The following GRIP1 variants were observed in gnomAD, a reference collection of about 807,000 sequenced individuals.
GRIP1 encodes the protein glutamate receptor interacting protein 1.
Under a neutral mutation model 129.9 loss-of-function variants are expected in GRIP1, and 45 were observed. That is an observed-to-expected ratio of 0.35 (90% CI 0.27 to 0.44). The LOEUF (loss-of-function observed/expected upper bound fraction) is 0.44. GRIP1 is among the 20% of genes least tolerant of loss of function. The probability of loss-of-function intolerance (pLI) is 1.00; values close to 1 mark genes in which losing one functional copy is unlikely to be tolerated. For missense variants in GRIP1, 1,196 were observed against 1,396.8 expected (o/e 0.86, Z 2.29); for synonymous variants, 530 against 520.8 (o/e 1.02, Z -0.24).
intron 1 of GRIP1, among the ~76,000 whole-genome samples, chr12:66,738,266 C>G (rs926460911): frequency 6.6e-6 from 1 of 151,652 alleles, no homozygotes; most frequent in African/African-American, 2.4e-5. Context: ...GTGGCCCAGG[C>G]TGGAGTGCAG....
chr12:66,364,258 T>C (rs1592696127), intron 23 of GRIP1, among the ~76,000 whole-genome samples: 1 of 68,112 alleles, frequency 1.5e-5, no homozygotes, highest in Non-Finnish European at 2.4e-5. Flanking sequence ...ACAGCAAGAC[T>C]CCATCTCAAA....
In GRIP1 at chr12:66,361,455, A is replaced by C. The variant is rs532986401; in HGVS notation, c.3013-7892T>G. On this transcript the variant is annotated intron_variant, in intron 23 of 24. Coordinates refer to ENST00000359742, the MANE Select transcript of GRIP1 (RefSeq NM_001366722.1). ...TTACACAGTTTTTAAGATCTGTGGCAGACTTAGGTGCTGCCTTTCTCATTC... is the reference window on the plus strand; with the variant it reads ...TTACACAGTTTTTAAGATCTGTGGCCGACTTAGGTGCTGCCTTTCTCATTC... Among the ~76,000 whole-genome samples the C allele has an allele frequency of 2.6e-5, 4 of 152,362 alleles. 1 individual carries two copies. In the South Asian group the frequency reaches 8.3e-4, roughly 32 times the overall value.
At chr12:66,821,905 T>C (rs2039326589) in intron 1 of GRIP1, among the ~76,000 whole-genome samples, 2 of 152,166 alleles carry the variant, frequency 1.3e-5, no homozygotes, top group African/African-American at 4.8e-5. Flanking sequence ...GTCACATCCT[T>C]GGCCGACTAC....
intron 1 of GRIP1, among the ~76,000 whole-genome samples, chr12:66,879,340 C>T (rs1051509049): frequency 6.6e-6 from 1 of 152,026 alleles, no homozygotes; most frequent in African/African-American, 2.4e-5. Context: ...ATACCAGGTG[C>T]TTAGTGCTAC....
intron 14 of GRIP1, among the ~76,000 whole-genome samples, chr12:66,432,253 C>G (rs962440316): frequency 6.6e-6 from 1 of 151,988 alleles, no homozygotes; most frequent in East Asian, 1.9e-4. Flanking sequence ...TTGCCAAGCA[C>G]TGTACTAGGT....
At chr12:66,634,301 T>C (rs1230844748) in intron 1 of GRIP1, among the ~76,000 whole-genome samples, 1 of 152,214 alleles carries the variant, frequency 6.6e-6, no homozygotes, top group Non-Finnish European at 1.5e-5. Context: ...AACCATTCCT[T>C]TTATGAGACT....
intron 16 of GRIP1, among the ~76,000 whole-genome samples, chr12:66,400,188 C>G (rs993458134): frequency 2.0e-5 from 3 of 151,924 alleles, no homozygotes; most frequent in African/African-American, 7.3e-5. Context: ...CACAGACCAA[C>G]AGGAATGGGA....
intron 1 of GRIP1, among the ~76,000 whole-genome samples, chr12:67,055,506 A>G (rs1039178539): frequency 2.6e-5 from 4 of 152,204 alleles, no homozygotes; most frequent in Non-Finnish European, 4.4e-5. Context: ...GTAATGGTAA[A>G]GTCTAGGGCA....
chr12:66,871,897 C>T (rs142508467), intron 1 of GRIP1, among the ~76,000 whole-genome samples: 1 of 151,970 alleles, frequency 6.6e-6, no homozygotes, highest in Admixed American at 6.6e-5. Context: ...GAGGCAGAAC[C>T]GAGTACTCTA....
chr12:66,641,332 C>T (rs1209830092), intron 1 of GRIP1, among the ~76,000 whole-genome samples: 2 of 145,606 alleles, frequency 1.4e-5, no homozygotes, highest in African/African-American at 5.0e-5. Flanking sequence ...TTTGACAAAA[C>T]CATGTGGGAC....
intron 1 of GRIP1, among the ~76,000 whole-genome samples, chr12:66,976,191 A>T (rs2042148769): frequency 1.3e-5 from 2 of 152,122 alleles, no homozygotes; most frequent in African/African-American, 4.8e-5. Context: ...GCCACTCCTG[A>T]TTTCCTTAAA....
chr12:66,760,491 G>A (rs927901102), intron 1 of GRIP1, among the ~76,000 whole-genome samples: 1 of 152,124 alleles, frequency 6.6e-6, no homozygotes, highest in Non-Finnish European at 1.5e-5. Context: ...GGTGGCAAGA[G>A]AAAAATGAAA....
intron 5 of GRIP1, among the ~76,000 whole-genome samples, chr12:66,526,358 C>A (rs7297199): frequency 0.2 from 30,711 of 151,864 alleles, 3,169 homozygotes; most frequent in African/African-American, 0.24. Context: ...AGAACAGAGC[C>A]CTCAGAAATA....
chr12:66,465,539 T>G, intron 7 of GRIP1, 117 bp from the exon 8 acceptor site: 1 of 860,710 alleles, frequency 1.2e-6, no homozygotes, highest in Non-Finnish European at 1.9e-6. Context: ...TCACTGAAAC[T>G]TAGATTTCCC....
chr12:66,870,077 A>G (rs1592917275), intron 1 of GRIP1, among the ~76,000 whole-genome samples: 1 of 152,110 alleles, frequency 6.6e-6, no homozygotes. Context: ...ACAACCAAAA[A>G]TATCTCCAGA....
chr12:66,913,796 A>C (rs923424457), intron 1 of GRIP1, among the ~76,000 whole-genome samples: 1 of 152,214 alleles, frequency 6.6e-6, no homozygotes, highest in Non-Finnish European at 1.5e-5. Context: ...TTCTAACTTA[A>C]GATAAATGAA....
intron 1 of GRIP1, among the ~76,000 whole-genome samples, chr12:66,912,400 T>TA (rs533021279): frequency 6.6e-5 from 10 of 151,986 alleles, no homozygotes; most frequent in African/African-American, 2.2e-4. Flanking sequence ...GCCTGTTTTC[T>TA]AAAAAAAATG....
intron 1 of GRIP1, among the ~76,000 whole-genome samples, chr12:66,666,748 A>AT (rs916986146): frequency 1.3e-5 from 2 of 151,658 alleles, no homozygotes; most frequent in Non-Finnish European, 2.9e-5. Flanking sequence ...ATCTCCAGTC[A>AT]TTTTTTTTCT....
intron 1 of GRIP1, among the ~76,000 whole-genome samples, chr12:67,056,692 T>A (rs1274626201): frequency 6.6e-6 from 1 of 152,190 alleles, no homozygotes; most frequent in East Asian, 1.9e-4. Context: ...AACCAGCCCA[T>A]CATCATCTGT....
Sources: allele counts gnomAD v4.1 joint callset (sites outside exome capture counted in the v4.1 genomes callset), GRCh38; gene constraint gnomAD v4.1.1; transcripts MANE v1.5; gene names NCBI Gene and HGNC (gene_info 2026-07-23, HGNC 2026-07-21).